PTPRM: variants seen among roughly 807,000 people sequenced by gnomAD.
PTPRM encodes receptor-type tyrosine-protein phosphatase mu.
Under a neutral mutation model 186.7 loss-of-function variants are expected in PTPRM, and 47 were observed. That is an observed-to-expected ratio of 0.25 (90% CI 0.20 to 0.32). The LOEUF (loss-of-function observed/expected upper bound fraction) is 0.32. Ranked by LOEUF, PTPRM falls within the 10% of genes least tolerant of loss-of-function variation. The pLI is 1.00. For missense variants in PTPRM, 1,494 were observed against 1,865.0 expected, an observed-to-expected ratio of 0.80 and a Z score of 3.66; for synonymous variants, 668 against 674.9, an observed-to-expected ratio of 0.99 and a Z score of 0.16.
intron 4 of PTPRM, among the ~76,000 whole-genome samples, chr18:7,923,432 G>C (rs1193282416): frequency 6.6e-6 from 1 of 152,190 alleles, no homozygotes; most frequent in African/African-American, 2.4e-5. Context: ...ATTGTCCTGA[G>C]ATATTATTGG....
intron 17 of PTPRM, among the ~76,000 whole-genome samples, chr18:8,248,579 T>G (rs150752410): frequency 2.1e-4 from 32 of 152,318 alleles, no homozygotes; most frequent in African/African-American, 7.2e-4. Flanking sequence ...TCTCATTATT[T>G]TCACTTATTG....
rs565070186 is a variant in PTPRM at position 8,116,736 on chromosome 18, T to C, written c.2167+1909T>C. Among the ~76,000 whole-genome samples the C allele has an allele frequency of 2.6e-5, 4 of 152,344 alleles. No homozygotes were observed. In the South Asian group the frequency reaches 8.3e-4, roughly 32 times the overall value. Reference sequence around the variant, plus strand: ...TGTTTTCACAATAGATTGAATTAGATAGTGATTTGGATCATTTTCTTCCAT... The same window carrying C: ...TGTTTTCACAATAGATTGAATTAGACAGTGATTTGGATCATTTTCTTCCAT... On this transcript the variant is annotated intron_variant, in intron 13 of 32. Transcript: ENST00000580170.
chr18:7,784,365 G>A (rs2042998785), intron 2 of PTPRM, among the ~76,000 whole-genome samples: 1 of 152,068 alleles, frequency 6.6e-6, no homozygotes, highest in South Asian at 2.1e-4. Context: ...ATTGCTCCAA[G>A]TATGTCGCTC....
At chr18:8,334,013 A>G (rs2095425460) in intron 22 of PTPRM, among the ~76,000 whole-genome samples, 2 of 152,210 alleles carry the variant, frequency 1.3e-5, no homozygotes, top group Admixed American at 6.5e-5. Context: ...GCTTTGCCAC[A>G]TACTGGCAGT....
At chr18:8,319,093 A>G in intron 21 of PTPRM, 85 bp from the exon 22 acceptor site, 3 of 932,240 alleles carry the variant, frequency 3.2e-6, no homozygotes, top group East Asian at 2.6e-5. Context: ...TTGTGTGCAC[A>G]TTCCTTTCAG....
At chr18:8,268,632 G>T (rs2094731481) in intron 19 of PTPRM, among the ~76,000 whole-genome samples, 1 of 151,954 alleles carries the variant, frequency 6.6e-6, no homozygotes, top group Non-Finnish European at 1.5e-5. Context: ...TGAGAAAAAG[G>T]ATTAACCAAT....
intron 2 of PTPRM, among the ~76,000 whole-genome samples, chr18:7,813,768 T>TC (rs2044657434): frequency 6.6e-6 from 1 of 152,150 alleles, no homozygotes. Context: ...CATCTTTTTT[T>TC]CCCCCTATGG....
intron 7 of PTPRM, among the ~76,000 whole-genome samples, chr18:8,031,196 A>C (rs2085945622): frequency 6.6e-6 from 1 of 152,204 alleles, no homozygotes; most frequent in African/African-American, 2.4e-5. Context: ...CACACTCTTA[A>C]ATCTTCACCC....
At chr18:8,002,961 C>T (rs1044945074) in intron 7 of PTPRM, among the ~76,000 whole-genome samples, 1 of 151,996 alleles carries the variant, frequency 6.6e-6, no homozygotes, top group Non-Finnish European at 1.5e-5. Flanking sequence ...ACTGAAATAT[C>T]AAAGAATTCT....
At position 7,888,324 on chromosome 18, in the gene PTPRM, A is replaced by G; in HGVS notation, c.415A>G (p.Thr139Ala). 6.2e-7 allele frequency: 1 copy of G among 1,614,230 alleles called. No individual in the cohort carries two copies. The highest frequency in any genetic ancestry group is 8.5e-7 in the Non-Finnish European group (1 of 1,180,028). The stretch of plus-strand genomic sequence containing the variant: ...GAATATATCTGGAGACCCAACACGT[A>G]CATGGAACAGGGCAGAACTGGCCAT... ...IWNISGDPTR[T>A]WNRAELAIST... is the part of the protein sequence containing the mutation. Residue 139 changes from threonine to alanine, a missense_variant, in exon 3 of 33, where the codon ACA becomes GCA. By Grantham distance (58) the Thr-to-Ala change is moderately conservative (BLOSUM62 0). Transcript: ENST00000580170.
intron 2 of PTPRM, among the ~76,000 whole-genome samples, chr18:7,838,476 A>G (rs2046165524): frequency 6.6e-6 from 1 of 152,236 alleles, no homozygotes; most frequent in African/African-American, 2.4e-5. Context: ...ATTACCAGGT[A>G]GAGAGACTCT....
intron 22 of PTPRM, among the ~76,000 whole-genome samples, chr18:8,324,848 G>C (rs528666205): frequency 3.3e-5 from 5 of 152,292 alleles, no homozygotes; most frequent in Admixed American, 1.3e-4. Context: ...CAGCATCAAG[G>C]CTCCTCCCCA....
chr18:7,647,593 G>A (rs191589014), intron 1 of PTPRM, among the ~76,000 whole-genome samples: 1 of 152,328 alleles, frequency 6.6e-6, no homozygotes, highest in East Asian at 1.9e-4. Flanking sequence ...AGTCAGAACT[G>A]CTCTACATTT....
At chr18:7,962,018 CAGA>C (rs1188282459) in intron 7 of PTPRM, among the ~76,000 whole-genome samples, 1 of 152,110 alleles carries the variant, frequency 6.6e-6, no homozygotes, top group Non-Finnish European at 1.5e-5. Context: ...TTTTCAGTGG[CAGA>C]AGATACTGGA....
chr18:7,774,005 T>C, intron 1 of PTPRM, 144 bp from the exon 2 acceptor site: 1 of 746,320 alleles, frequency 1.3e-6, no homozygotes, highest in Non-Finnish European at 2.2e-6. Flanking sequence ...AAGTGTTGGA[T>C]GCACAGCTCC....
At chr18:8,057,066 C>A (rs2088023537) in intron 7 of PTPRM, among the ~76,000 whole-genome samples, 1 of 150,822 alleles carries the variant, frequency 6.6e-6, no homozygotes, top group Non-Finnish European at 1.5e-5. Flanking sequence ...TGAATGAAAT[C>A]TCATGTTGCA....
At chr18:8,348,300 A>G (rs2095516335) in intron 23 of PTPRM, among the ~76,000 whole-genome samples, 1 of 152,210 alleles carries the variant, frequency 6.6e-6, no homozygotes, top group Admixed American at 6.5e-5. Context: ...AGGCGGCCCT[A>G]ATTGCTGGTG....
intron 1 of PTPRM, among the ~76,000 whole-genome samples, chr18:7,712,981 C>A (rs201790011): frequency 6.6e-6 from 1 of 152,114 alleles, no homozygotes; most frequent in Non-Finnish European, 1.5e-5. Context: ...CCCAACCTAG[C>A]AAGACAGGCC....
At chr18:7,582,675 T>A (rs1000853240) in intron 1 of PTPRM, among the ~76,000 whole-genome samples, 1 of 152,038 alleles carries the variant, frequency 6.6e-6, no homozygotes, top group African/African-American at 2.4e-5. Flanking sequence ...ATGGGCAGCA[T>A]GGGAAAAAGA....
Sources: gnomAD v4.1 joint callset for allele counts (sites outside exome capture counted in the v4.1 genomes callset) on GRCh38, gnomAD v4.1.1 for gene constraint, MANE v1.5 for transcripts, NCBI Gene and HGNC (gene_info 2026-07-23, HGNC 2026-07-21) for gene names.